NRXN3: variants seen among roughly 807,000 people sequenced by gnomAD.
The protein encoded by NRXN3 is neurexin 3, also known as neurexin III.
NRXN3 carries 32 observed loss-of-function variants against 137.6 expected under a neutral mutation model. The observed-to-expected ratio is 0.23, with a 90% CI of 0.18 to 0.31. The LOEUF (loss-of-function observed/expected upper bound fraction) is 0.31. Ranked by LOEUF, NRXN3 falls within the 10% of genes least tolerant of loss-of-function variation. The pLI, the probability that NRXN3 is intolerant of heterozygous loss-of-function variation, is 1.00. For synonymous variants in NRXN3, 798 were observed against 784.5 expected (o/e 1.02, Z -0.29); for missense variants, 1,574 against 2,062.5 (o/e 0.76, Z 4.59).
At chr14:78,821,903 C>T (rs187802045) in intron 10 of NRXN3, among the ~76,000 whole-genome samples, 7 of 152,218 alleles carry the variant, frequency 4.6e-5, no homozygotes, top group South Asian at 2.1e-4. Context: ...CAAAACTTTC[C>T]GGTCATCATA....
intron 1 of NRXN3, among the ~76,000 whole-genome samples, chr14:78,178,257 G>C (rs1220031494): frequency 6.6e-6 from 1 of 152,214 alleles, no homozygotes; most frequent in Non-Finnish European, 1.5e-5. Context: ...GATTCTAAGA[G>C]CTGGCCCATT....
chr14:79,399,021 A>AAT (rs2095110253), intron 15 of NRXN3, among the ~76,000 whole-genome samples: 1 of 151,092 alleles, frequency 6.6e-6, no homozygotes, highest in Admixed American at 6.6e-5. Context: ...AAAAAAAAAA[A>AAT]AAAAAAGAAG....
At chr14:79,716,937 C>T (rs1419039677) in intron 19 of NRXN3, among the ~76,000 whole-genome samples, 1 of 152,198 alleles carries the variant, frequency 6.6e-6, no homozygotes, top group African/African-American at 2.4e-5. Flanking sequence ...TGCCTCCAAA[C>T]TTAGCTTATT....
intron 15 of NRXN3, among the ~76,000 whole-genome samples, chr14:79,095,913 A>T (rs1245859999): frequency 6.6e-6 from 1 of 152,178 alleles, no homozygotes; most frequent in Non-Finnish European, 1.5e-5. Context: ...ATAAAAATTC[A>T]TGTGCATTTG....
intron 8 of NRXN3, among the ~76,000 whole-genome samples, chr14:78,797,297 C>T (rs1292386338): frequency 6.6e-6 from 1 of 152,118 alleles, no homozygotes; most frequent in African/African-American, 2.4e-5. Context: ...AATGTATTAT[C>T]TAAAGTCCAG....
intron 16 of NRXN3, among the ~76,000 whole-genome samples, chr14:79,627,509 G>A (rs2098295507): frequency 6.6e-6 from 1 of 152,068 alleles, no homozygotes; most frequent in African/African-American, 2.4e-5. Flanking sequence ...AGAGCAGGTT[G>A]GAAAATGATA....
chr14:79,211,596 G>A (rs777860320), intron 15 of NRXN3, among the ~76,000 whole-genome samples: 1 of 152,096 alleles, frequency 6.6e-6, no homozygotes, highest in Non-Finnish European at 1.5e-5. Context: ...AGCTCATAAG[G>A]GATGGAGTTC....
At chr14:78,386,637 G>T (rs759107555) in intron 4 of NRXN3, among the ~76,000 whole-genome samples, 4 of 152,166 alleles carry the variant, frequency 2.6e-5, no homozygotes, top group Non-Finnish European at 4.4e-5. Flanking sequence ...CAAACCAAAG[G>T]CTAGAATATG....
intron 16 of NRXN3, among the ~76,000 whole-genome samples, chr14:79,507,674 T>A (rs2096891202): frequency 6.6e-6 from 1 of 152,162 alleles, no homozygotes; most frequent in Admixed American, 6.5e-5. Context: ...TTTTCAATTA[T>A]CTTTGCTGGC....
At position 78,229,699 on chromosome 14, in the gene NRXN3, G is replaced by A. The variant is rs899696559; in HGVS notation, c.-703-12692G>A. Reference sequence around the variant, plus strand: ...TGTGCCAGGCACTAAACCTACCATCGTTCTAAGCTCTGCAGGTCCTAATAC... The same window carrying A: ...TGTGCCAGGCACTAAACCTACCATCATTCTAAGCTCTGCAGGTCCTAATAC... On this transcript the variant is annotated intron_variant, in intron 1 of 20. Coordinates refer to ENST00000335750, the MANE Select transcript of NRXN3 (RefSeq NM_001330195.2). 2.6e-5 allele frequency among the ~76,000 whole-genome samples: 4 copies of A among 152,168 alleles called. No individual in the cohort carries two copies. The South Asian group carries it at 6.2e-4, about 24-fold the overall frequency.
At chr14:78,531,555 A>G (rs1044811029) in intron 4 of NRXN3, among the ~76,000 whole-genome samples, 5 of 152,220 alleles carry the variant, frequency 3.3e-5, no homozygotes, top group African/African-American at 1.2e-4. Flanking sequence ...GGCTCATGAT[A>G]GAGCTCAGTT....
At chr14:79,161,244 C>T (rs570181380) in intron 15 of NRXN3, among the ~76,000 whole-genome samples, 6 of 151,970 alleles carry the variant, frequency 3.9e-5, no homozygotes, top group Non-Finnish European at 7.4e-5. Flanking sequence ...TTCCAGGGAG[C>T]ATATTCCTAC....
chr14:79,437,872 T>G (rs2095869062), intron 15 of NRXN3, among the ~76,000 whole-genome samples: 1 of 152,074 alleles, frequency 6.6e-6, no homozygotes, highest in African/African-American at 2.4e-5. Flanking sequence ...GTAAAATGAG[T>G]TTTACATTTA....
intron 15 of NRXN3, among the ~76,000 whole-genome samples, chr14:79,019,483 G>A (rs2099585109): frequency 6.6e-6 from 1 of 152,148 alleles, no homozygotes; most frequent in African/African-American, 2.4e-5. Flanking sequence ...AGCAGGGTAA[G>A]GAGAGAAAGA....
intron 15 of NRXN3, 127 bp downstream of exon 15, chr14:78,988,268 C>G: frequency 8.2e-7 from 1 of 1,212,868 alleles, no homozygotes; most frequent in Non-Finnish European, 1.2e-6. Context: ...CCTCCAGAAA[C>G]TTGGGAAATA....
At chr14:78,183,191 C>G (rs1243944355) in intron 1 of NRXN3, among the ~76,000 whole-genome samples, 1 of 152,210 alleles carries the variant, frequency 6.6e-6, no homozygotes, top group African/African-American at 2.4e-5. Context: ...AACCATCAGG[C>G]CAGCCCTCTT....
At chr14:78,324,978 T>A (rs1051727862) in intron 4 of NRXN3, among the ~76,000 whole-genome samples, 2 of 151,434 alleles carry the variant, frequency 1.3e-5, no homozygotes, top group Admixed American at 1.3e-4. Context: ...AATTGGGAGG[T>A]GTCATGGCGA....
chr14:79,682,845 C>G (rs2098677493), intron 17 of NRXN3, among the ~76,000 whole-genome samples: 2 of 152,084 alleles, frequency 1.3e-5, no homozygotes, highest in Non-Finnish European at 2.9e-5. Flanking sequence ...AATGGGAAAG[C>G]ATTTACTCTA....
At chr14:78,592,142 T>C (rs2097123292) in intron 4 of NRXN3, among the ~76,000 whole-genome samples, 1 of 152,176 alleles carries the variant, frequency 6.6e-6, no homozygotes, top group African/African-American at 2.4e-5. Flanking sequence ...AGACTGAAAA[T>C]AAATCAGCTT....
Sources: gnomAD v4.1 joint callset for allele counts (sites outside exome capture counted in the v4.1 genomes callset) on GRCh38, gnomAD v4.1.1 for gene constraint, MANE v1.5 for transcripts, NCBI Gene and HGNC (gene_info 2026-07-23, HGNC 2026-07-21) for gene names.